TPO: variants seen among roughly 807,000 people sequenced by gnomAD.
TPO encodes the protein thyroid peroxidase.
In TPO, 78 loss-of-function variants were observed where a neutral mutation model predicts 96.9. That is an observed-to-expected ratio of 0.81 (90% CI 0.67 to 0.97). The LOEUF (loss-of-function observed/expected upper bound fraction) is 0.97. Among genes scored for constraint, TPO ranks in the 50% least tolerant of loss-of-function variants. TPO has a pLI of 0.00. For synonymous variants in TPO, 547 were observed against 538.0 expected, an observed-to-expected ratio of 1.02 and a Z score of -0.23; for missense variants, 1,252 against 1,274.8, an observed-to-expected ratio of 0.98 and a Z score of 0.27.
At chr2:1,506,543 C>T (rs1387720565) in intron 14 of TPO, among the ~76,000 whole-genome samples, 1 of 152,162 alleles carries the variant, frequency 6.6e-6, no homozygotes, top group African/African-American at 2.4e-5. Flanking sequence ...TCTCCAGCAC[C>T]TGTTGTTTCC....
chr2:1,427,688 G>A (rs939189664), intron 3 of TPO, among the ~76,000 whole-genome samples: 6 of 152,160 alleles, frequency 3.9e-5, no homozygotes, highest in Non-Finnish European at 5.9e-5. Flanking sequence ...CTGTGGGTCC[G>A]GGAGACCAGA....
chr2:1,501,697 C>G (rs1280060015), intron 13 of TPO, among the ~76,000 whole-genome samples: 1 of 152,076 alleles, frequency 6.6e-6, no homozygotes, highest in Admixed American at 6.6e-5. Context: ...CAGACGGGAC[C>G]CTGTGAAGAC....
intron 6 of TPO, among the ~76,000 whole-genome samples, chr2:1,454,532 C>G (rs968937345): frequency 1.3e-5 from 2 of 152,128 alleles, no homozygotes; most frequent in African/African-American, 2.4e-5. Flanking sequence ...ACCTGGTATT[C>G]CCAGAAGCCG....
At position 1,433,486 on chromosome 2, in the gene TPO, T is replaced by C. The variant is rs1466191867; in HGVS notation, c.228T>C (p.Phe76=). The change falls in exon 4 of 17, where the codon TTT becomes TTC. Residue 76 remains phenylalanine (F), a synonymous_variant. Coordinates refer to ENST00000329066, the MANE Select transcript of TPO (RefSeq NM_001206744.2). ...TTTCTCCAGCTCAGCTTCTGTCTTTTTCCAAACTTCCTGAGCCAACAAGCG... is the reference window on the plus strand; with the variant it reads ...TTTCTCCAGCTCAGCTTCTGTCTTTCTCCAAACTTCCTGAGCCAACAAGCG... ...GILSPAQLLS[F]SKLPEPTSGV... 2.5e-6 allele frequency: 4 copies of C among 1,614,230 alleles called. No homozygotes were observed. The highest frequency in any genetic ancestry group is 1.7e-5 in the Admixed American group (1 of 60,030).
At chr2:1,537,063 T>C (rs57632615) in intron 15 of TPO, among the ~76,000 whole-genome samples, 6 of 13,400 alleles carry the variant, frequency 4.5e-4, no homozygotes, top group Non-Finnish European at 5.7e-4. Context: ...CCCAAATCCC[T>C]GCCACTGTGT....
At chr2:1,382,357 C>G (rs565246129) in intron 1 of TPO, among the ~76,000 whole-genome samples, 45 of 152,256 alleles carry the variant, frequency 3.0e-4, no homozygotes, top group African/African-American at 1.0e-3. Flanking sequence ...GAAGGGTCAG[C>G]ATCTTCAACA....
At position 1,503,977 on chromosome 2, in the gene TPO, C is replaced by G. The variant is rs747299200; in HGVS notation, c.2416C>G (p.Pro806Ala). 1.2e-6 allele frequency: 2 copies of G among 1,614,078 alleles called. No individual in the cohort carries two copies. Among genetic ancestry groups the G allele is most frequent in the Non-Finnish European group, 1.7e-6 (2 of 1,179,992 alleles). Residue 806 changes from proline (P) to alanine (A), a missense_variant, in exon 14 of 17, where the codon CCC (proline) becomes GCC (alanine). Coordinates refer to ENST00000329066, the MANE Select transcript of TPO (RefSeq NM_001206744.2). ...GAACGAGTGTGCAGACGGTGCCCAC[C>G]CCCCCTGCCACGCCTCTGCGAGGTG... is the stretch of plus-strand genomic sequence containing the variant. ...DVNECADGAH[P>A]PCHASARCRN...
At chr2:1,400,969 G>A (rs1662163261) in intron 1 of TPO, among the ~76,000 whole-genome samples, 1 of 152,150 alleles carries the variant, frequency 6.6e-6, no homozygotes, top group Non-Finnish European at 1.5e-5. Flanking sequence ...CTTCCTCGTG[G>A]CCTGAAGTAA....
chr2:1,425,935 G>A (rs573416240), intron 3 of TPO, among the ~76,000 whole-genome samples: 1 of 147,050 alleles, frequency 6.8e-6, no homozygotes, highest in Non-Finnish European at 1.5e-5. Context: ...ACAGAGGTGA[G>A]TTTGATCATT....
intron 5 of TPO, among the ~76,000 whole-genome samples, chr2:1,440,488 A>G (rs1666058123): frequency 6.6e-6 from 1 of 152,200 alleles, no homozygotes; most frequent in Non-Finnish European, 1.5e-5. Flanking sequence ...TTTCACCTGG[A>G]CATTTTGTTT....
At chr2:1,395,782 T>C (rs1287041324) in intron 1 of TPO, among the ~76,000 whole-genome samples, 2 of 152,120 alleles carry the variant, frequency 1.3e-5, no homozygotes, top group African/African-American at 4.8e-5. Flanking sequence ...GTTCTAGTGA[T>C]AGTGACTAAG....
chr2:1,541,238 TG>T, intron 16 of TPO: 1 of 1,094,502 alleles, frequency 9.1e-7, no homozygotes. Flanking sequence ...CAGAGGGGAG[TG>T]GGGAGGTGCT....
At chr2:1,478,252 A>T in intron 8 of TPO, 13 of 985,424 alleles carry the variant, frequency 1.3e-5, no homozygotes, top group Non-Finnish European at 1.6e-5. Context: ...GCACTTATGC[A>T]CCTGGAAATG....
rs941934136 is a variant in TPO at position 1,503,832 on chromosome 2, T to C, written c.2387-116T>C. 5.7e-6 allele frequency: 9 copies of C among 1,583,392 alleles called. No individual in the cohort carries two copies. The Admixed American group carries it at 1.6e-4, about 28-fold the overall frequency. Reference sequence around the variant, plus strand: ...CCGGTTCCCCCTAGACCAGGTGGGATGGCAGGCAAAGGGCTGACCTCCCCA... The same window carrying C: ...CCGGTTCCCCCTAGACCAGGTGGGACGGCAGGCAAAGGGCTGACCTCCCCA... On this transcript the variant is annotated intron_variant, in intron 13 of 16. Coordinates refer to ENST00000329066, the MANE Select transcript of TPO (RefSeq NM_001206744.2).
At position 1,441,610 on chromosome 2, in the gene TPO, C is replaced by T. The variant is rs74334910; in HGVS notation, c.482+5226C>T. ...CATCCTGGACTCAGATCAGGGTCCTCGACTCTGCTGCGCTCCCAGCCAGCT... is the reference window on the plus strand; with the variant it reads ...CATCCTGGACTCAGATCAGGGTCCTTGACTCTGCTGCGCTCCCAGCCAGCT... On this transcript the variant is annotated intron_variant, in intron 5 of 16. Coordinates refer to ENST00000329066, the MANE Select transcript of TPO (RefSeq NM_001206744.2). Among the ~76,000 whole-genome samples the T allele has an allele frequency of 1.5e-3, 231 of 152,284 alleles. 1 individual carries two copies. Among genetic ancestry groups the T allele is most frequent in the Middle Eastern group, 6.8e-3 (2 of 294 alleles).
chr2:1,472,019 A>T (rs1573326603), intron 7 of TPO, among the ~76,000 whole-genome samples: 1 of 151,434 alleles, frequency 6.6e-6, no homozygotes, highest in Non-Finnish European at 1.5e-5. Flanking sequence ...TTCATAGCAT[A>T]CCCATCCCAT....
Position 1,539,391 on chromosome 2 carries a change from GCCC to G in TPO, c.2619-1199_2619-1197del, listed in dbSNP as rs776050051. Reference sequence around the variant, plus strand: ...CAAGTCAAACTCAAGCGACACCCCAGCCCCCCTCGGTGATCAGGCTGAAGCGAT... The same window carrying G: ...CAAGTCAAACTCAAGCGACACCCCAGCCCTCGGTGATCAGGCTGAAGCGAT... On this transcript the variant is annotated intron_variant, in intron 15 of 16. Coordinates refer to ENST00000329066, the MANE Select transcript of TPO (RefSeq NM_001206744.2). Among the ~76,000 whole-genome samples, 116 of 152,238 alleles carry G rather than the reference GCCC, an allele frequency of 7.6e-4. 1 individual carries two copies. Among genetic ancestry groups the G allele is most frequent in the South Asian group, 2.1e-3 (10 of 4,806 alleles).
chr2:1,500,648 T>A (rs1396826342), intron 13 of TPO, among the ~76,000 whole-genome samples: 1 of 152,140 alleles, frequency 6.6e-6, no homozygotes, highest in Non-Finnish European at 1.5e-5. Context: ...ATTCTACTTA[T>A]TCACTCAAAC....
chr2:1,441,668 A>G (rs1305472657), intron 5 of TPO, among the ~76,000 whole-genome samples: 2 of 152,056 alleles, frequency 1.3e-5, no homozygotes, highest in Non-Finnish European at 2.9e-5. Context: ...GTGTTTTTAT[A>G]GAAGTCTAGG....
Sources: allele counts gnomAD v4.1 joint callset (sites outside exome capture counted in the v4.1 genomes callset), GRCh38; gene constraint gnomAD v4.1.1; transcripts MANE v1.5; gene names NCBI Gene and HGNC (gene_info 2026-07-23, HGNC 2026-07-21).